Variants in FMN1 observed in about 807,000 individuals in gnomAD.
FMN1 encodes the protein formin 1.
FMN1 carries 110 observed loss-of-function variants against 132.4 expected under a neutral mutation model. The ratio of observed to expected loss-of-function variants is 0.83; its 90% CI spans 0.71 to 0.97. The LOEUF (loss-of-function observed/expected upper bound fraction) is 0.97, where lower values mean the gene tolerates loss of function less well. Ranked by LOEUF, FMN1 falls within the 50% of genes least tolerant of loss-of-function variation. The pLI is 0.00. For missense variants in FMN1, 1,792 were observed against 1,705.3 expected (o/e 1.05, Z -0.90); for synonymous variants, 722 against 651.7 (o/e 1.11, Z -1.64).
intron 6 of FMN1, among the ~76,000 whole-genome samples, chr15:33,024,501 C>A (rs1173490260): frequency 6.6e-6 from 1 of 151,852 alleles, no homozygotes; most frequent in Non-Finnish European, 1.5e-5. Context: ...CCACCTCGGC[C>A]TCCCAAAGTG....
chr15:33,111,309 A>T (rs867960753), intron 4 of FMN1, among the ~76,000 whole-genome samples: 6 of 152,192 alleles, frequency 3.9e-5, no homozygotes, highest in Non-Finnish European at 8.8e-5. Flanking sequence ...GGCTATAATT[A>T]AAAAGGCAGA....
At chr15:32,817,364 T>G (rs1444740889) in intron 17 of FMN1, among the ~76,000 whole-genome samples, 2 of 152,236 alleles carry the variant, frequency 1.3e-5, no homozygotes, top group African/African-American at 4.8e-5. Flanking sequence ...TCCCTAATAT[T>G]GGCTATTGCT....
chr15:33,186,214 A>C (rs1405900897), intron 2 of FMN1, among the ~76,000 whole-genome samples: 1 of 151,602 alleles, frequency 6.6e-6, no homozygotes, highest in South Asian at 2.1e-4. Context: ...GTCAAAATCT[A>C]TTTCCATTCA....
chr15:33,080,290 G>A (rs1460325040), intron 5 of FMN1, among the ~76,000 whole-genome samples: 2 of 152,212 alleles, frequency 1.3e-5, no homozygotes, highest in Non-Finnish European at 2.9e-5. Flanking sequence ...TTACGCTGTG[G>A]AGTTTGTTAT....
chr15:32,875,463 C>T (rs1217498632), intron 16 of FMN1, among the ~76,000 whole-genome samples: 3 of 152,194 alleles, frequency 2.0e-5, no homozygotes, highest in African/African-American at 4.8e-5. Flanking sequence ...AAAAGGCCTA[C>T]CAGGTGGTTA....
intron 4 of FMN1, among the ~76,000 whole-genome samples, chr15:33,105,135 A>AT (rs113427235): frequency 4.5e-4 from 68 of 152,006 alleles, no homozygotes; most frequent in African/African-American, 1.6e-3. Flanking sequence ...AATATTAAAC[A>AT]TTTTTTTCCC....
chr15:33,128,836 G>C (rs370906973), intron 4 of FMN1, among the ~76,000 whole-genome samples: 6 of 151,388 alleles, frequency 4.0e-5, no homozygotes, highest in African/African-American at 1.2e-4. Context: ...CCTCCGCAAT[G>C]CGGAAGACAA....
rs562310261 is a variant in FMN1, at chr15:32,829,081, G to A, written c.3929-24749C>T. 1.1e-4 allele frequency among the ~76,000 whole-genome samples: 16 copies of A among 152,286 alleles called. 1 individual carries two copies. Among genetic ancestry groups the A allele is most frequent in the Middle Eastern group, 6.8e-3 (2 of 294 alleles). ...GCAAGAGGCAGGTCATTTGGTCACAGACTCAAAATGCAATGTGCAAGAACT... is the reference window on the plus strand; with the variant it reads ...GCAAGAGGCAGGTCATTTGGTCACAAACTCAAAATGCAATGTGCAAGAACT... On this transcript the variant is annotated intron_variant, in intron 17 of 20. Transcript: ENST00000616417.
In FMN1 at chr15:32,792,275, C is replaced by CAA. The variant is rs11461605; in HGVS notation, c.4130+6527_4130+6528dup. On this transcript the variant is annotated intron_variant, in intron 19 of 20. Coordinates refer to ENST00000616417, the MANE Select transcript of FMN1 (RefSeq NM_001277313.2). ...TAACACAGTGAAACCCAGTCTCTACCAAAAAAAAAAAAAAAAAAAATTAGC... is the reference window on the plus strand; with the variant it reads ...TAACACAGTGAAACCCAGTCTCTACCAAAAAAAAAAAAAAAAAAAAAATTAGC... Among the ~76,000 whole-genome samples the CAA allele has an allele frequency of 9.5e-3, 1,065 of 111,648 alleles. 11 individuals carry two copies. Among genetic ancestry groups the CAA allele is most frequent in the South Asian group, 0.046 (147 of 3,218 alleles). The allele number at this position is 111,648 out of a possible 152,430, so 73.2% of individuals were successfully genotyped here. A position where few individuals can be genotyped will look rare whatever the true frequency, so the allele number is the denominator to read the frequency against.
At chr15:33,117,337 G>A (rs1418693136) in intron 4 of FMN1, among the ~76,000 whole-genome samples, 2 of 152,042 alleles carry the variant, frequency 1.3e-5, no homozygotes, top group Non-Finnish European at 2.9e-5. Context: ...ATCTCCTTAA[G>A]AGTAATCTAA....
In FMN1 at chr15:33,096,154, G is replaced by A. The variant is rs116899160; in HGVS notation, c.1868-7180C>T. On this transcript the variant is annotated intron_variant, in intron 4 of 20. Transcript: ENST00000616417. ...ATTTCATTCCTATCATCAAAAGGAA[G>A]AAACAAGCTGATCCCTGATGGCTGA... Among the ~76,000 whole-genome samples the A allele has an allele frequency of 8.1e-4, 123 of 152,264 alleles. 1 individual carries two copies. The East Asian group carries it at 0.024, about 29-fold the overall frequency.
At chr15:32,781,348 T>C (rs763676317) in intron 19 of FMN1, among the ~76,000 whole-genome samples, 8 of 152,220 alleles carry the variant, frequency 5.3e-5, no homozygotes, top group Non-Finnish European at 8.8e-5. Context: ...GCTAATGTTA[T>C]ACAATTTGCT....
chr15:32,908,818 T>C (rs1435701154), intron 11 of FMN1, among the ~76,000 whole-genome samples: 1 of 152,034 alleles, frequency 6.6e-6, no homozygotes, highest in Non-Finnish European at 1.5e-5. Context: ...ATGCTCAAGT[T>C]TGAGATTCAA....
At chr15:32,909,677 T>A (rs1331746604) in intron 11 of FMN1, among the ~76,000 whole-genome samples, 1 of 152,224 alleles carries the variant, frequency 6.6e-6, no homozygotes, top group Non-Finnish European at 1.5e-5. Flanking sequence ...GTTCAATCTA[T>A]GTTTTTGTAG....
intron 6 of FMN1, among the ~76,000 whole-genome samples, chr15:33,061,465 T>C (rs1306555058): frequency 6.6e-6 from 1 of 152,042 alleles, no homozygotes; most frequent in East Asian, 1.9e-4. Flanking sequence ...ATAAATACCA[T>C]ACATTTAATT....
chr15:33,160,441 G>A (rs986375233), intron 3 of FMN1, among the ~76,000 whole-genome samples: 2 of 152,180 alleles, frequency 1.3e-5, no homozygotes, highest in Non-Finnish European at 2.9e-5. Context: ...GAAGGCTTTA[G>A]ACCAGGGCAA....
chr15:33,031,960 C>A (rs2035956548), intron 6 of FMN1, among the ~76,000 whole-genome samples: 1 of 131,666 alleles, frequency 7.6e-6, no homozygotes, highest in Admixed American at 7.4e-5. Flanking sequence ...GTCATGAAAC[C>A]CGATGTTGTC....
intron 9 of FMN1, among the ~76,000 whole-genome samples, chr15:32,957,295 G>GTTTTTT (rs1278874015): frequency 1.3e-5 from 1 of 74,106 alleles, no homozygotes; most frequent in Non-Finnish European, 2.9e-5. Flanking sequence ...TATCAGAGCA[G>GTTTTTT]TTCTTTTTTT....
At chr15:32,916,489 T>C (rs1296692413) in intron 10 of FMN1, among the ~76,000 whole-genome samples, 1 of 152,180 alleles carries the variant, frequency 6.6e-6, no homozygotes, top group African/African-American at 2.4e-5. Context: ...GCATACCTTG[T>C]ATAGTCTGTT....
Sources: allele counts gnomAD v4.1 joint callset (sites outside exome capture counted in the v4.1 genomes callset), GRCh38; gene constraint gnomAD v4.1.1; transcripts MANE v1.5; gene names NCBI Gene and HGNC (gene_info 2026-07-23, HGNC 2026-07-21).